ANKRD11: variants seen among roughly 807,000 people sequenced by gnomAD.
ANKRD11 encodes ankyrin repeat domain-containing protein 11.
ANKRD11 carries 17 observed loss-of-function variants against 195.7 expected under a neutral mutation model. That is an observed-to-expected ratio of 0.09 (90% CI 0.06 to 0.13). ANKRD11 has a LOEUF of 0.13. ANKRD11 is among the 10% of genes least tolerant of loss of function. The probability of loss-of-function intolerance (pLI) is 1.00; values close to 1 mark genes in which losing one functional copy is unlikely to be tolerated. For missense variants in ANKRD11, 3,735 were observed against 3,566.1 expected (o/e 1.05, Z -1.21); for synonymous variants, 1,953 against 1,528.1 (o/e 1.28, Z -6.49).
chr16:89,303,303 C>T (rs778509251), intron 4 of ANKRD11, among the ~76,000 whole-genome samples: 2 of 152,218 alleles, frequency 1.3e-5, no homozygotes, highest in African/African-American at 2.4e-5. Flanking sequence ...CAACCAAAAC[C>T]AGCATGGGGA....
chr16:89,324,283 C>A, intron 2 of ANKRD11: 2 of 1,253,264 alleles, frequency 1.6e-6, no homozygotes, highest in South Asian at 2.7e-5. Flanking sequence ...GCCCCGTGCT[C>A]CGGAACACGG....
chr16:89,275,875 G>A (rs902985611), intron 9 of ANKRD11, among the ~76,000 whole-genome samples: 2 of 152,328 alleles, frequency 1.3e-5, no homozygotes, highest in South Asian at 2.1e-4. Flanking sequence ...CACTCTTGGA[G>A]AAACAAGGCC....
intron 12 of ANKRD11, among the ~76,000 whole-genome samples, chr16:89,269,028 A>ATAGTT (rs1202982528): frequency 1.3e-5 from 2 of 152,250 alleles, no homozygotes; most frequent in Non-Finnish European, 2.9e-5. Flanking sequence ...ACGGCCAGTG[A>ATAGTT]TAGTTTCACT....
intron 3 of ANKRD11, among the ~76,000 whole-genome samples, chr16:89,315,572 G>A (rs1242168004): frequency 6.6e-6 from 1 of 152,242 alleles, no homozygotes; most frequent in South Asian, 2.1e-4. Flanking sequence ...GTGTGGTGCT[G>A]ACCAAGCACT....
intron 6 of ANKRD11, 26 bp from the exon 7 acceptor site, chr16:89,288,696 G>A (rs751347026): frequency 8.7e-6 from 14 of 1,613,836 alleles, no homozygotes; most frequent in South Asian, 5.5e-5. Flanking sequence ...CAGGACGTAC[G>A]TTATTTAATC....
intron 1 of ANKRD11, among the ~76,000 whole-genome samples, chr16:89,489,647 C>T (rs2057744679): frequency 6.6e-6 from 1 of 151,936 alleles, no homozygotes; most frequent in South Asian, 2.1e-4. Flanking sequence ...CAGAGGTCGG[C>T]GCCCCAGCTC....
chr16:89,460,181 T>C (rs1387116943), intron 1 of ANKRD11, among the ~76,000 whole-genome samples: 1 of 151,710 alleles, frequency 6.6e-6, no homozygotes, highest in African/African-American at 2.4e-5. Flanking sequence ...GAGATTGCAG[T>C]GAGCTGAGAT....
At chr16:89,480,970 T>C (rs1180315419) in intron 1 of ANKRD11, among the ~76,000 whole-genome samples, 1 of 151,990 alleles carries the variant, frequency 6.6e-6, no homozygotes, top group Non-Finnish European at 1.5e-5. Context: ...CTGTCAAATG[T>C]CCCCAGGGCA....
At chr16:89,466,029 G>C (rs1038992042) in intron 1 of ANKRD11, among the ~76,000 whole-genome samples, 3 of 152,068 alleles carry the variant, frequency 2.0e-5, no homozygotes, top group Non-Finnish European at 4.4e-5. Flanking sequence ...CTTTCTAAAA[G>C]GTCAGGGTGC....
intron 1 of ANKRD11, among the ~76,000 whole-genome samples, chr16:89,463,440 G>A (rs1242963588): frequency 6.6e-6 from 1 of 152,190 alleles, no homozygotes; most frequent in Non-Finnish European, 1.5e-5. Context: ...GGCGGTGCAA[G>A]ATGTGCTTTG....
At chr16:89,423,259 G>A (rs1379110867) in intron 1 of ANKRD11, among the ~76,000 whole-genome samples, 2 of 152,198 alleles carry the variant, frequency 1.3e-5, no homozygotes, top group East Asian at 3.8e-4. Context: ...TTTCATTCGC[G>A]TTAGGCTGGG....
chr16:89,486,671 C>G (rs1480089033), intron 1 of ANKRD11, among the ~76,000 whole-genome samples: 2 of 152,084 alleles, frequency 1.3e-5, no homozygotes, highest in African/African-American at 4.8e-5. Flanking sequence ...GGCATGGTAT[C>G]AGAGTTAGGC....
chr16:89,378,965 G>A (rs1349615686), intron 2 of ANKRD11, among the ~76,000 whole-genome samples: 1 of 152,230 alleles, frequency 6.6e-6, no homozygotes, highest in African/African-American at 2.4e-5. Flanking sequence ...ACCTTTTTGG[G>A]TCAAGGTTCT....
chr16:89,307,565 C>T (rs558016753), intron 3 of ANKRD11, among the ~76,000 whole-genome samples: 1 of 152,232 alleles, frequency 6.6e-6, no homozygotes, highest in East Asian at 1.9e-4. Context: ...ACGTAACACC[C>T]ACCCCAGCAG....
chr16:89,466,644 CATA>C (rs544754577), intron 1 of ANKRD11, among the ~76,000 whole-genome samples: 86 of 152,154 alleles, frequency 5.7e-4, no homozygotes, highest in African/African-American at 1.8e-3. Flanking sequence ...AAATACAAAC[CATA>C]ATGAGGTTAA....
At chr16:89,408,089 CAT>C (rs2041980516) in intron 2 of ANKRD11, among the ~76,000 whole-genome samples, 1 of 152,192 alleles carries the variant, frequency 6.6e-6, no homozygotes, top group Admixed American at 6.5e-5. Context: ...AGCCACTGCA[CAT>C]GTGTGACCAC....
Position 89,305,442 on chromosome 16 carries a change from T to C in ANKRD11, c.88-98A>G, listed in dbSNP as rs1285277498. The C allele has an allele frequency of 6.5e-6, 10 of 1,534,844 alleles. No homozygotes were observed. In the East Asian group the frequency reaches 1.6e-4, roughly 25 times the overall value. On this transcript the variant is annotated intron_variant, in intron 3 of 12. Coordinates refer to ENST00000301030, the MANE Select transcript of ANKRD11 (RefSeq NM_013275.6). ...ATGCCAGGAGAAGCGCATCTCTTAT[T>C]TGGGCAATGAACACCCTCCCTGCAC...
At chr16:89,275,336 C>A (rs970333032) in intron 9 of ANKRD11, 145 bp from the exon 10 acceptor site, 2 of 670,204 alleles carry the variant, frequency 3.0e-6, no homozygotes, top group Admixed American at 2.6e-5. Context: ...CAGCAACAGA[C>A]ACACCAGGAA....
At position 89,268,750 on chromosome 16, in the gene ANKRD11, G is replaced by A. The variant is rs2032856672; in HGVS notation, c.7807-87C>T. On this transcript the variant is annotated intron_variant, in intron 12 of 12. Coordinates refer to ENST00000301030, the MANE Select transcript of ANKRD11 (RefSeq NM_013275.6). Reference sequence around the variant, plus strand: ...CGACCTCAGCTGCCAGCAGGGCCAAGGGCGTGATACGGCCGTGAACCTACC... The same window carrying A: ...CGACCTCAGCTGCCAGCAGGGCCAAAGGCGTGATACGGCCGTGAACCTACC... 3.4e-5 allele frequency: 50 copies of A among 1,482,176 alleles called. No homozygotes were observed. In the South Asian group the frequency reaches 6.1e-4, roughly 18 times the overall value. 91.8% of individuals were successfully genotyped at this position (1,482,176 alleles called of 1,614,324 possible).
Sources: gnomAD v4.1 joint callset for allele counts (sites outside exome capture counted in the v4.1 genomes callset) on GRCh38, gnomAD v4.1.1 for gene constraint, MANE v1.5 for transcripts, NCBI Gene and HGNC (gene_info 2026-07-23, HGNC 2026-07-21) for gene names.